Variants in SLC24A2 observed in about 807,000 individuals in gnomAD.
SLC24A2 encodes solute carrier family 24 member 2.
Under a neutral mutation model 62.0 loss-of-function variants are expected in SLC24A2, and 36 were observed. The observed-to-expected ratio is 0.58, with a 90% CI of 0.44 to 0.77. SLC24A2 has a LOEUF of 0.77. Ranked by LOEUF, SLC24A2 falls within the 30% of genes least tolerant of loss-of-function variation. The pLI, the probability that SLC24A2 is intolerant of heterozygous loss-of-function variation, is 0.00. For missense variants in SLC24A2, 846 were observed against 817.9 expected, an observed-to-expected ratio of 1.03 and a Z score of -0.42; for synonymous variants, 358 against 294.0, an observed-to-expected ratio of 1.22 and a Z score of -2.23.
In SLC24A2 at chr9:19,645,803, T is replaced by C. The variant is rs139734946; in HGVS notation, c.931-23504A>G. ...TATGAATCACAACTACAAACTTTTC[T>C]AGTCTGCAAACAATTTCTAAAGCAG... On this transcript the variant is annotated intron_variant, in intron 2 of 10. Transcript: ENST00000341998. Among the ~76,000 whole-genome samples the C allele has an allele frequency of 3.2e-3, 486 of 152,354 alleles. 4 individuals are homozygous for C. The highest frequency in any genetic ancestry group is 0.011 in the African/African-American group (467 of 41,574).
Position 19,510,024 on chromosome 9 carries a change from G to C in SLC24A2, c.*6129C>G, listed in dbSNP as rs1832657284. 6.6e-6 allele frequency: 1 copy of C among 152,128 alleles called. No individual in the cohort carries two copies. The highest frequency in any genetic ancestry group is 1.5e-5 in the Non-Finnish European group (1 of 68,024). 9.4% of individuals were successfully genotyped at this position (152,128 alleles called of 1,614,324 possible). A position where few individuals can be genotyped will look rare whatever the true frequency, so the allele number is the denominator to read the frequency against. On this transcript the variant is annotated 3_prime_UTR_variant, in exon 11 of 11. Transcript: ENST00000341998. The stretch of plus-strand genomic sequence containing the variant: ...GTTTCATATTTAAAATAAAAATATT[G>C]ATTCCTCTTGATAAATTAGTGGGTA...
Position 19,711,187 on chromosome 9 carries a change from GC to G in SLC24A2, c.930+74749del, listed in dbSNP as rs1001322174. On this transcript the variant is annotated intron_variant, in intron 2 of 10. Coordinates refer to ENST00000341998, the MANE Select transcript of SLC24A2 (RefSeq NM_020344.4). ...TCATAACAATTCTAAGATGCTGTTT[GC>G]CTTTTTTGCTTTTATTCTTTCACAA... Among the ~76,000 whole-genome samples the G allele has an allele frequency of 5.3e-5, 8 of 152,294 alleles. 1 individual carries two copies. Among genetic ancestry groups the G allele is most frequent in the South Asian group, 4.1e-4 (2 of 4,832 alleles).
the SLC24A2 span, among the ~76,000 whole-genome samples, chr9:20,190,865 G>A: frequency 6.6e-6 from 1 of 152,170 alleles, no homozygotes; most frequent in Non-Finnish European, 1.5e-5. Context: ...CCTATTCACA[G>A]GATTAATGAA....
At chr9:20,161,450 C>T in the SLC24A2 span, among the ~76,000 whole-genome samples, 1 of 151,090 alleles carries the variant, frequency 6.6e-6, no homozygotes, top group Non-Finnish European at 1.5e-5. Flanking sequence ...GGCCAATATC[C>T]CTGATGAATA....
the SLC24A2 span, among the ~76,000 whole-genome samples, chr9:20,218,189 C>A: frequency 6.6e-6 from 1 of 152,180 alleles, no homozygotes; most frequent in South Asian, 2.1e-4. Context: ...ATCATCAGAA[C>A]TTAGATCTCG....
At chr9:19,822,136 G>T in the SLC24A2 span, among the ~76,000 whole-genome samples, 1 of 152,122 alleles carries the variant, frequency 6.6e-6, no homozygotes, top group Non-Finnish European at 1.5e-5. Context: ...TCTATTGATT[G>T]AAGAATAACC....
the SLC24A2 span, among the ~76,000 whole-genome samples, chr9:20,186,014 T>C: frequency 6.6e-6 from 1 of 152,262 alleles, no homozygotes; most frequent in African/African-American, 2.4e-5. Flanking sequence ...CACCAAGTGG[T>C]CAATTAAAAT....
At chr9:19,989,957 G>T in the SLC24A2 span, among the ~76,000 whole-genome samples, 3 of 152,172 alleles carry the variant, frequency 2.0e-5, no homozygotes, top group Admixed American at 1.3e-4. Flanking sequence ...TCAGAGAAAA[G>T]TTAGAATTTC....
At chr9:20,013,369 A>C in the SLC24A2 span, among the ~76,000 whole-genome samples, 32 of 152,342 alleles carry the variant, frequency 2.1e-4, no homozygotes, top group Admixed American at 2.1e-3. Context: ...TCATCAGAGT[A>C]AAATTAGAGC....
At chr9:20,135,727 ATT>A in the SLC24A2 span, among the ~76,000 whole-genome samples, 4 of 151,412 alleles carry the variant, frequency 2.6e-5, no homozygotes, top group Admixed American at 2.6e-4. Flanking sequence ...AGTTTTGCTT[ATT>A]TTTTTTTAAT....
At chr9:19,766,227 G>A (rs1007513426) in intron 2 of SLC24A2, among the ~76,000 whole-genome samples, 5 of 152,138 alleles carry the variant, frequency 3.3e-5, no homozygotes, top group Admixed American at 6.5e-5. Context: ...TAGCTTCCTT[G>A]CATTGGGCTA....
At chr9:20,299,633 T>C in the SLC24A2 span, among the ~76,000 whole-genome samples, 1 of 152,206 alleles carries the variant, frequency 6.6e-6, no homozygotes, top group African/African-American at 2.4e-5. Context: ...GAGTGATCCA[T>C]GAAGGACTCA....
At chr9:19,688,011 T>C (rs1819934720) in intron 2 of SLC24A2, among the ~76,000 whole-genome samples, 1 of 152,136 alleles carries the variant, frequency 6.6e-6, no homozygotes, top group African/African-American at 2.4e-5. Context: ...TTCATTAAAC[T>C]GCCAGGCAAT....
chr9:20,234,555 C>T, the SLC24A2 span, among the ~76,000 whole-genome samples: 5 of 152,192 alleles, frequency 3.3e-5, no homozygotes, highest in Admixed American at 6.5e-5. Flanking sequence ...ACGTAGCTCT[C>T]GTGCCTTGGT....
the SLC24A2 span, among the ~76,000 whole-genome samples, chr9:19,850,984 T>TATATATAC: frequency 6.5e-5 from 2 of 30,556 alleles, no homozygotes; most frequent in Non-Finnish European, 7.2e-5. Context: ...TATATATATA[T>TATATATAC]GTATATATAT....
At chr9:19,917,160 G>T in the SLC24A2 span, among the ~76,000 whole-genome samples, 1 of 151,172 alleles carries the variant, frequency 6.6e-6, no homozygotes, top group Admixed American at 6.6e-5. Context: ...AGGGACCACA[G>T]ACATTTATCT....
At chr9:20,157,757 T>C in the SLC24A2 span, among the ~76,000 whole-genome samples, 1 of 151,566 alleles carries the variant, frequency 6.6e-6, no homozygotes, top group African/African-American at 2.4e-5. Flanking sequence ...TATAAAATTA[T>C]TAATCCTACA....
the SLC24A2 span, among the ~76,000 whole-genome samples, chr9:20,121,292 C>T: frequency 6.6e-6 from 1 of 151,590 alleles, no homozygotes; most frequent in East Asian, 1.9e-4. Context: ...CTTTATTTTT[C>T]CCCAGAAATA....
chr9:19,784,794 T>C (rs1823113309), intron 2 of SLC24A2, among the ~76,000 whole-genome samples: 1 of 151,940 alleles, frequency 6.6e-6, no homozygotes, highest in South Asian at 2.1e-4. Context: ...TTAGAAAATA[T>C]GTAGTACAAG....
Sources: gnomAD v4.1 joint callset for allele counts (sites outside exome capture counted in the v4.1 genomes callset) on GRCh38, gnomAD v4.1.1 for gene constraint, MANE v1.5 for transcripts, NCBI Gene and HGNC (gene_info 2026-07-23, HGNC 2026-07-21) for gene names.